AFDN: variants seen among roughly 807,000 people sequenced by gnomAD.
AFDN encodes afadin, adherens junction formation factor, also known as afadin.
Under a neutral mutation model 216.6 loss-of-function variants are expected in AFDN, and 68 were observed. The ratio of observed to expected loss-of-function variants is 0.31; its 90% CI spans 0.26 to 0.38. The LOEUF is 0.38. Ranked by LOEUF, AFDN falls within the 10% of genes least tolerant of loss-of-function variation. AFDN has a pLI of 1.00. For synonymous variants in AFDN, 868 were observed against 853.7 expected (o/e 1.02, Z -0.29); for missense variants, 2,136 against 2,342.0 (o/e 0.91, Z 1.82).
chr6:167,965,778 T>TA lies in AFDN; in HGVS notation c.4991dup (p.Tyr1664Ter). 1 of 1,557,630 alleles carries TA rather than the reference T, an allele frequency of 6.4e-7. No homozygotes were observed. Among genetic ancestry groups the TA allele is most frequent in the Non-Finnish European group, 8.7e-7 (1 of 1,153,244 alleles). ...GCAGAGGCGACAGGAAGAAGGGTATTACAGCCGCCTGGAAGCCGAGAGGCG... is the reference window on the plus strand; with the variant it reads ...GCAGAGGCGACAGGAAGAAGGGTATTAACAGCCGCCTGGAAGCCGAGAGGCG... ...EEKRRQEEGYYSRLEAERRRQ... is the reference protein window; with the variant it reads ...EEKRRQEEGY The change falls in exon 32 of 34, where the codon TAC becomes TAAC. Residue 1664 changes from tyrosine to a stop codon, truncating the protein, a stop_gained and frameshift_variant. Coordinates refer to ENST00000683244, the MANE Select transcript of AFDN (RefSeq NM_001386888.1). LOFTEE classifies it high-confidence loss of function.
At chr6:167,889,722 C>T (rs1787331054) in intron 7 of AFDN, among the ~76,000 whole-genome samples, 1 of 152,212 alleles carries the variant, frequency 6.6e-6, no homozygotes, top group Admixed American at 6.5e-5. Flanking sequence ...TAAGACCACA[C>T]TCAGCTTATC....
rs575108979 is a variant in AFDN, at chr6:167,943,349, G to A, written c.3166-53G>A. On this transcript the variant is annotated intron_variant, in intron 24 of 33. Coordinates refer to ENST00000683244, the MANE Select transcript of AFDN (RefSeq NM_001386888.1). ...CTCATCATTACCTTTTCTTCCTCCCGCTCTCTTTGCTCTCTACCCCTAATC... is the reference window on the plus strand; with the variant it reads ...CTCATCATTACCTTTTCTTCCTCCCACTCTCTTTGCTCTCTACCCCTAATC... 32 of 1,539,612 alleles carry A rather than the reference G, an allele frequency of 2.1e-5. No homozygotes were observed. The Admixed American group carries it at 2.3e-4, about 11-fold the overall frequency.
At chr6:167,914,075 G>A (rs1391213814) in intron 16 of AFDN, 93 bp from the exon 17 acceptor site, 34 of 1,384,470 alleles carry the variant, frequency 2.5e-5, no homozygotes, top group Non-Finnish European at 3.4e-5. Flanking sequence ...GAAGGTACTG[G>A]TCTATCTTCA....
chr6:167,950,411 T>TGC (rs1181649904), intron 29 of AFDN, among the ~76,000 whole-genome samples: 1 of 148,212 alleles, frequency 6.7e-6, no homozygotes, highest in East Asian at 2.0e-4. Context: ...TGTGTGTGTG[T>TGC]GTGTGTGTGT....
chr6:167,883,519 G>T (rs1226171146), intron 6 of AFDN, among the ~76,000 whole-genome samples: 2 of 152,194 alleles, frequency 1.3e-5, no homozygotes, highest in Non-Finnish European at 2.9e-5. Flanking sequence ...ACACCTCAGA[G>T]ATGTTGCAGG....
At position 167,925,597 on chromosome 6, in the gene AFDN, T is replaced by A. The variant is rs190489023; in HGVS notation, c.3099+506T>A. Among the ~76,000 whole-genome samples, 460 of 152,270 alleles carry A rather than the reference T, an allele frequency of 3.0e-3. 4 individuals are homozygous for A. The highest frequency in any genetic ancestry group is 0.011 in the African/African-American group (450 of 41,554). On this transcript the variant is annotated intron_variant, in intron 23 of 33. Transcript: ENST00000683244. Reference sequence around the variant, plus strand: ...CTGGTGTGGAGCTTAGGAAATGGCATTCTTAACCTAGGCCTTATATAGTTC... The same window carrying A: ...CTGGTGTGGAGCTTAGGAAATGGCAATCTTAACCTAGGCCTTATATAGTTC...
chr6:167,907,690 T>C (rs991066256), intron 13 of AFDN, among the ~76,000 whole-genome samples: 2 of 152,206 alleles, frequency 1.3e-5, no homozygotes, highest in Non-Finnish European at 2.9e-5. Context: ...TCAAAAATGA[T>C]TTTGAAACAG....
chr6:167,948,114 GT>G, intron 28 of AFDN, 170 bp downstream of exon 28: 1 of 766,712 alleles, frequency 1.3e-6, no homozygotes. Flanking sequence ...AGGTAAATCA[GT>G]TTTAAATTAA....
At chr6:167,954,604 C>T (rs936909879) in intron 30 of AFDN, 4 of 814,812 alleles carry the variant, frequency 4.9e-6, no homozygotes, top group African/African-American at 1.8e-5. Context: ...TAGGGGTGTC[C>T]TCCATCAGGA....
chr6:167,834,254 T>C (rs1387005303), intron 1 of AFDN, among the ~76,000 whole-genome samples: 1 of 152,082 alleles, frequency 6.6e-6, no homozygotes, highest in African/African-American at 2.4e-5. Flanking sequence ...CTCATCCTCT[T>C]CCCACCCTTT....
chr6:167,827,646 C>G (rs1455869251), intron 1 of AFDN: 1 of 149,508 alleles, frequency 6.7e-6, no homozygotes, highest in South Asian at 2.1e-4. Flanking sequence ...TGGCTCGCGG[C>G]GCCCCTTCGC....
At chr6:167,851,961 G>A (rs1434418674) in intron 1 of AFDN, among the ~76,000 whole-genome samples, 4 of 152,052 alleles carry the variant, frequency 2.6e-5, no homozygotes, top group East Asian at 3.9e-4. Flanking sequence ...ATTTTTTAGC[G>A]TGAAAATTTT....
chr6:167,849,590 T>C (rs1346697518), intron 1 of AFDN, among the ~76,000 whole-genome samples: 1 of 152,226 alleles, frequency 6.6e-6, no homozygotes, highest in Non-Finnish European at 1.5e-5. Context: ...TTCATGCCTA[T>C]TGTGTATTCC....
chr6:167,897,385 C>G (rs1034849496), intron 10 of AFDN, among the ~76,000 whole-genome samples: 1 of 152,178 alleles, frequency 6.6e-6, no homozygotes, highest in African/African-American at 2.4e-5. Context: ...TAAAACAGAG[C>G]TTAACACATT....
chr6:167,827,322 C>G, intron 1 of AFDN, 85 bp downstream of exon 1: 1 of 383,152 alleles, frequency 2.6e-6, no homozygotes, highest in Non-Finnish European at 3.4e-6. Context: ...GCCCGCCAGC[C>G]GCGGACCCGC....
intron 13 of AFDN, among the ~76,000 whole-genome samples, chr6:167,907,911 T>C (rs1234573311): frequency 6.6e-6 from 1 of 152,226 alleles, no homozygotes; most frequent in African/African-American, 2.4e-5. Context: ...TCTAGAATTA[T>C]TTAAATGTTG....
chr6:167,914,292 A>G lies in AFDN; in HGVS notation c.2183A>G (p.His728Arg), dbSNP rs779078911. Residue 728 changes from histidine (H) to arginine (R), a missense_variant, in exon 17 of 34, where the codon CAT (histidine) becomes CGT (arginine). Around this residue, in one of 8 missense-constraint regions of AFDN, gnomAD observed 817 missense variants for 965.7 expected, o/e 0.85. Coordinates refer to ENST00000683244, the MANE Select transcript of AFDN (RefSeq NM_001386888.1). Reference protein sequence around the residue: ...ITLDAQDVLAHLVQMAFKYLV... With the variant: ...ITLDAQDVLARLVQMAFKYLV... The stretch of plus-strand genomic sequence containing the variant: ...CTGGATGCTCAAGATGTTTTAGCAC[A>G]TTTGGTTCAAATGGCATTTAAGTAA... The G allele has an allele frequency of 9.3e-6, 15 of 1,613,426 alleles. No homozygotes were observed. In the South Asian group the frequency reaches 1.1e-4, roughly 12 times the overall value.
chr6:167,890,966 G>A lies in AFDN; in HGVS notation c.1114G>A (p.Gly372Arg), dbSNP rs770835791. Residue 372 changes from glycine to arginine, a missense_variant, in exon 8 of 34, where the codon GGG becomes AGG. Around this residue, in one of 8 missense-constraint regions of AFDN, gnomAD observed 817 missense variants for 965.7 expected, o/e 0.85. Coordinates refer to ENST00000683244, the MANE Select transcript of AFDN (RefSeq NM_001386888.1). ...KTPKGKERAD[G>R]SGYGSTLPPE... ...ACCCAAGGGAAAGGAGAGAGCTGAC[G>A]GGTCTGGCTATGGCTCCACCCTTCC... The A allele has an allele frequency of 2.1e-5, 34 of 1,614,070 alleles. No homozygotes were observed. In the East Asian group the frequency reaches 4.2e-4, roughly 20 times the overall value.
At chr6:167,965,276 G>T (rs1227441048) in intron 31 of AFDN, among the ~76,000 whole-genome samples, 1 of 152,180 alleles carries the variant, frequency 6.6e-6, no homozygotes. Context: ...GGGGCTCAGT[G>T]AAAAAGAGTG....
Sources: gnomAD v4.1 joint callset for allele counts (sites outside exome capture counted in the v4.1 genomes callset) on GRCh38, gnomAD v4.1.1 for gene constraint, gnomAD v4.1.1 regional missense constraint, MANE v1.5 for transcripts, NCBI Gene and HGNC (gene_info 2026-07-23, HGNC 2026-07-21) for gene names.